Variants in LPIN1 observed in about 807,000 individuals in gnomAD.
LPIN1 encodes the protein phosphatidate phosphatase LPIN1.
In LPIN1, 71 loss-of-function variants were observed where a neutral mutation model predicts 107.5. The ratio of observed to expected loss-of-function variants is 0.66; its 90% CI spans 0.55 to 0.80. The LOEUF is 0.80. Ranked by LOEUF, LPIN1 falls within the 30% of genes least tolerant of loss-of-function variation. The pLI, the probability that LPIN1 is intolerant of heterozygous loss-of-function variation, is 0.00. For synonymous variants in LPIN1, 445 were observed against 452.6 expected (o/e 0.98, Z 0.21); for missense variants, 1,043 against 1,160.6 (o/e 0.90, Z 1.47).
chr2:11,756,001 A>G (rs534445621), intron 1 of LPIN1, among the ~76,000 whole-genome samples: 15 of 152,312 alleles, frequency 9.8e-5, no homozygotes, highest in African/African-American at 1.4e-4. Context: ...GATCACAGGC[A>G]TAAGCCACCA....
rs180677349 is a variant in LPIN1 at position 11,789,198 on chromosome 2, G to C, written c.1713+742G>C. The stretch of plus-strand genomic sequence containing the variant: ...TTAGGATGTTGCCGTCGGTCAGCCA[G>C]TTCAAACACTTGAGATTCTTGAAGG... On this transcript the variant is annotated intron_variant, in intron 12 of 20. Transcript: ENST00000674199. Among the ~76,000 whole-genome samples the C allele has an allele frequency of 4.3e-3, 662 of 152,362 alleles. 8 individuals carry two copies. The highest frequency in any genetic ancestry group is 0.015 in the African/African-American group (633 of 41,592).
chr2:11,677,587 C>G (rs965227814), upstream of LPIN1: 4 of 1,279,198 alleles, frequency 3.1e-6, no homozygotes, highest in Non-Finnish European at 4.4e-6. Flanking sequence ...CCGGTGTTGC[C>G]GGGGGACATT....
intron 14 of LPIN1, 58 bp downstream of exon 14, chr2:11,795,545 C>A: frequency 6.9e-7 from 1 of 1,441,520 alleles, no homozygotes; most frequent in Non-Finnish European, 9.8e-7. Context: ...AAGTTCATGG[C>A]GTGTGCTGCC....
At chr2:11,753,565 A>C (rs1287871029) in intron 1 of LPIN1, among the ~76,000 whole-genome samples, 8 of 152,238 alleles carry the variant, frequency 5.3e-5, no homozygotes, top group Admixed American at 2.6e-4. Flanking sequence ...AGTGTGTGCC[A>C]GTTACAGCAG....
At chr2:11,750,068 C>A (rs1024154098) in intron 1 of LPIN1, among the ~76,000 whole-genome samples, 1 of 152,188 alleles carries the variant, frequency 6.6e-6, no homozygotes, top group African/African-American at 2.4e-5. Context: ...CCTGCTGGCA[C>A]GCACTTGTGC....
intron 10 of LPIN1, 108 bp downstream of exon 10, chr2:11,785,184 G>A: frequency 2.4e-6 from 2 of 819,752 alleles, no homozygotes; most frequent in Non-Finnish European, 3.7e-6. Flanking sequence ...CCTTGGTTGC[G>A]GTTAATGATA....
chr2:11,782,457 C>T lies in LPIN1; in HGVS notation c.1214C>T (p.Ala405Val). 1 of 1,614,172 alleles carries T rather than the reference C, an allele frequency of 6.2e-7. No homozygotes were observed. The highest frequency in any genetic ancestry group is 8.5e-7 in the Non-Finnish European group (1 of 1,180,030). ...ATCGAGGAGCTCAAACCCCCCTCTG[C>T]CAGTGTAGTCCAGACAGCAAACAAG... ...PMIEELKPPS[A>V]SVVQTANKTD... is the part of the protein sequence containing the mutation. The change falls in exon 8 of 21, where the codon GCC becomes GTC. Residue 405 changes from alanine (A) to valine (V), a missense_variant. Coordinates refer to ENST00000674199, the MANE Select transcript of LPIN1 (RefSeq NM_001349206.2).
At chr2:11,759,686 A>G (rs1323356466) in intron 1 of LPIN1, among the ~76,000 whole-genome samples, 4 of 152,252 alleles carry the variant, frequency 2.6e-5, no homozygotes, top group Non-Finnish European at 5.9e-5. Flanking sequence ...GTTCTCAATG[A>G]GCTGTTGGGT....
At chr2:11,740,306 C>A (rs1157607708) in intron 1 of LPIN1, among the ~76,000 whole-genome samples, 1 of 152,158 alleles carries the variant, frequency 6.6e-6, no homozygotes, top group Non-Finnish European at 1.5e-5. Flanking sequence ...CAAATGCCAA[C>A]CTCTACCAGA....
chr2:11,743,796 C>T (rs565381619), upstream of LPIN1, among the ~76,000 whole-genome samples: 7 of 152,264 alleles, frequency 4.6e-5, no homozygotes, highest in South Asian at 8.3e-4. The surrounding 1 kb of genome is among the most constrained non-coding windows in gnomAD (Gnocchi z 4.7). Flanking sequence ...GCAGGGCACC[C>T]GTGAAGAGGG....
intron 1 of LPIN1, among the ~76,000 whole-genome samples, chr2:11,684,257 C>A (rs1457355119): frequency 6.6e-6 from 1 of 152,232 alleles, no homozygotes; most frequent in African/African-American, 2.4e-5. Flanking sequence ...GATGGACTCT[C>A]TTGTCTCCTG....
chr2:11,785,050 TCAGCGACCACCGG>T lies in LPIN1; in HGVS notation c.1524_1536del (p.Ser509ArgfsTer31). Reference sequence around the variant, plus strand: ...ATCGCCATCTCCCTCTGCGGGGGCCTCAGCGACCACCGGGAGATCACGAAAGGTACCGCGGGCC... The same window carrying T: ...ATCGCCATCTCCCTCTGCGGGGGCCTGAGATCACGAAAGGTACCGCGGGCC... On this transcript the variant is annotated frameshift_variant, in exon 10 of 21. Transcript: ENST00000674199. LOFTEE classifies it high-confidence loss of function. The T allele has an allele frequency of 6.4e-7, 1 of 1,553,516 alleles. No individual in the cohort carries two copies. Among genetic ancestry groups the T allele is most frequent in the Non-Finnish European group, 8.7e-7 (1 of 1,149,188 alleles).
chr2:11,680,893 C>T (rs1661678613), intron 1 of LPIN1, among the ~76,000 whole-genome samples: 1 of 152,150 alleles, frequency 6.6e-6, no homozygotes, highest in South Asian at 2.1e-4. Flanking sequence ...GGACTCACAC[C>T]CTAGCATTGT....
chr2:11,759,837 C>T (rs1413828529), intron 1 of LPIN1, among the ~76,000 whole-genome samples: 21 of 118,532 alleles, frequency 1.8e-4, no homozygotes, highest in African/African-American at 3.8e-4. Context: ...CCCTCCCGGA[C>T]GGGGCGGCTG....
At chr2:11,695,453 C>T (rs1229440749) in intron 1 of LPIN1, among the ~76,000 whole-genome samples, 1 of 151,804 alleles carries the variant, frequency 6.6e-6, no homozygotes, top group Non-Finnish European at 1.5e-5. Flanking sequence ...GTGCAGAGGC[C>T]CTAAGGTGGA....
chr2:11,756,098 A>G (rs1668643913), intron 1 of LPIN1, among the ~76,000 whole-genome samples: 1 of 152,220 alleles, frequency 6.6e-6, no homozygotes, highest in Non-Finnish European at 1.5e-5. Flanking sequence ...TTGTAAGAGT[A>G]CATTTATTGA....
chr2:11,744,424 C>T (rs999041110), upstream of LPIN1, among the ~76,000 whole-genome samples: 2 of 152,218 alleles, frequency 1.3e-5, no homozygotes, highest in Non-Finnish European at 2.9e-5. Context: ...CTTCTCATTG[C>T]TTGTTTATAC....
chr2:11,682,306 A>T (rs1204459451), intron 1 of LPIN1: 1 of 152,554 alleles, frequency 6.6e-6, no homozygotes, highest in African/African-American at 2.4e-5. Flanking sequence ...AGTGACAGGA[A>T]ATTAGGATGA....
chr2:11,677,601 C>G, exon 1 of LPIN1: 1 of 1,391,110 alleles, frequency 7.2e-7, no homozygotes, highest in Non-Finnish European at 9.9e-7. Flanking sequence ...GGACATTTCT[C>G]TCCTGATGCT....
Sources: gnomAD v4.1 joint callset for allele counts (sites outside exome capture counted in the v4.1 genomes callset) on GRCh38, gnomAD v4.1.1 for gene constraint, Gnocchi (gnomAD v3.1) non-coding constraint, MANE v1.5 for transcripts, NCBI Gene and HGNC (gene_info 2026-07-23, HGNC 2026-07-21) for gene names.